The following ROBO2 variants were observed in gnomAD, a reference collection of about 807,000 sequenced individuals.
ROBO2 encodes roundabout guidance receptor 2, also known as roundabout homolog 2.
In ROBO2, 53 loss-of-function variants were observed where a neutral mutation model predicts 160.8. The observed-to-expected ratio is 0.33, with a 90% CI of 0.26 to 0.41. The LOEUF is 0.41. Ranked by LOEUF, ROBO2 falls within the 10% of genes least tolerant of loss-of-function variation. The pLI is 1.00. For missense variants in ROBO2, 1,577 were observed against 1,722.4 expected, an observed-to-expected ratio of 0.92 and a Z score of 1.49; for synonymous variants, 664 against 611.7, an observed-to-expected ratio of 1.09 and a Z score of -1.26.
intron 2 of ROBO2, among the ~76,000 whole-genome samples, chr3:76,801,960 G>C (rs1576708481): frequency 6.6e-6 from 1 of 152,052 alleles, no homozygotes; most frequent in African/African-American, 2.4e-5. Flanking sequence ...AGAGATGAGG[G>C]GATGGCTGGT....
At chr3:77,308,390 G>A (rs772484204) in intron 2 of ROBO2, among the ~76,000 whole-genome samples, 13 of 152,002 alleles carry the variant, frequency 8.6e-5, no homozygotes, top group Non-Finnish European at 1.5e-4. Flanking sequence ...ATCGTCAGGT[G>A]TTCAGGGGAG....
upstream of ROBO2, among the ~76,000 whole-genome samples, chr3:77,038,580 A>G (rs1559879437): frequency 6.6e-6 from 1 of 152,138 alleles, no homozygotes; most frequent in Non-Finnish European, 1.5e-5. Context: ...AGTAGGGGGA[A>G]CTAAAGACTC....
At chr3:76,833,097 T>A (rs75486109) in intron 2 of ROBO2, among the ~76,000 whole-genome samples, 2,647 of 151,988 alleles carry the variant, frequency 0.017, 76 homozygotes, top group African/African-American at 0.061. Context: ...GGTCAAGAAG[T>A]GCAAATATGG....
intron 14 of ROBO2, among the ~76,000 whole-genome samples, chr3:77,576,041 C>T (rs963575372): frequency 6.6e-6 from 1 of 152,074 alleles, no homozygotes; most frequent in African/African-American, 2.4e-5. Flanking sequence ...GAATAATTGA[C>T]CTGTCAGGAA....
chr3:77,212,787 G>C (rs1166408476), intron 2 of ROBO2, among the ~76,000 whole-genome samples: 1 of 152,182 alleles, frequency 6.6e-6, no homozygotes, highest in African/African-American at 2.4e-5. Context: ...AGCATGAAGT[G>C]TTGTTGAATT....
chr3:76,055,946 A>C (rs1234165664), intron 2 of ROBO2, among the ~76,000 whole-genome samples: 2 of 152,032 alleles, frequency 1.3e-5, no homozygotes, highest in Non-Finnish European at 2.9e-5. Context: ...TTTAAGAACA[A>C]ACTTGATTGA....
rs370716915 is a variant in ROBO2, at chr3:76,138,703, A to T, written c.109+201101A>T. 1.1e-3 allele frequency among the ~76,000 whole-genome samples: 172 copies of T among 152,240 alleles called. 2 individuals are homozygous for T. In the South Asian group the frequency reaches 0.035, roughly 31 times the overall value. On this transcript the variant is annotated intron_variant, in intron 2 of 26. Transcript: ENST00000487694. ...TATCTACTACTTGTCCACAGAATCC[A>T]ATTATTTGTAGTATTACAGTGAAAT...
intron 2 of ROBO2, among the ~76,000 whole-genome samples, chr3:76,579,290 A>G (rs2085502759): frequency 6.6e-6 from 1 of 152,168 alleles, no homozygotes; most frequent in Non-Finnish European, 1.5e-5. Context: ...AGTCAATTTC[A>G]TATATCTCCA....
At chr3:77,200,512 C>A (rs892581352) in intron 2 of ROBO2, among the ~76,000 whole-genome samples, 1 of 151,218 alleles carries the variant, frequency 6.6e-6, no homozygotes, top group South Asian at 2.1e-4. Context: ...AAAAGTTTTC[C>A]AAAAACAATA....
At chr3:77,184,142 A>C (rs1029836364) in intron 2 of ROBO2, among the ~76,000 whole-genome samples, 1 of 152,086 alleles carries the variant, frequency 6.6e-6, no homozygotes, top group Non-Finnish European at 1.5e-5. Flanking sequence ...TTACTGCTGG[A>C]CAACATAACC....
chr3:76,448,125 C>G (rs571650097), intron 2 of ROBO2, among the ~76,000 whole-genome samples: 80 of 151,834 alleles, frequency 5.3e-4, no homozygotes, highest in African/African-American at 1.9e-3. Flanking sequence ...AAATATTCTC[C>G]TTTATTTTAT....
intron 2 of ROBO2, among the ~76,000 whole-genome samples, chr3:76,795,960 T>C (rs2108781754): frequency 6.6e-6 from 1 of 152,270 alleles, no homozygotes; most frequent in Middle Eastern, 3.4e-3. Flanking sequence ...AACATTAATT[T>C]TTTTATACAT....
intron 2 of ROBO2, among the ~76,000 whole-genome samples, chr3:76,807,084 T>C (rs1171644584): frequency 6.6e-6 from 1 of 152,094 alleles, no homozygotes. Context: ...TAGACTTATT[T>C]ATTTTAATTA....
At chr3:76,662,332 A>T (rs891497864) in intron 2 of ROBO2, among the ~76,000 whole-genome samples, 1 of 152,118 alleles carries the variant, frequency 6.6e-6, no homozygotes, top group Non-Finnish European at 1.5e-5. Context: ...CTTTAAAAAA[A>T]ATTTTTTTCA....
intron 2 of ROBO2, among the ~76,000 whole-genome samples, chr3:76,184,584 G>C (rs1257812094): frequency 7.2e-6 from 1 of 138,810 alleles, no homozygotes; most frequent in Non-Finnish European, 1.6e-5. Context: ...TAGATAGATA[G>C]ATAGATAGAT....
intron 2 of ROBO2, among the ~76,000 whole-genome samples, chr3:76,571,010 T>C (rs2084920771): frequency 6.6e-6 from 1 of 152,114 alleles, no homozygotes; most frequent in Non-Finnish European, 1.5e-5. Context: ...ATTAAAGAAG[T>C]CTTAAAATAT....
chr3:76,449,932 C>G (rs537438924), intron 2 of ROBO2, among the ~76,000 whole-genome samples: 6 of 152,136 alleles, frequency 3.9e-5, no homozygotes, highest in African/African-American at 1.4e-4. Context: ...GTTTTTGACC[C>G]TGGAATAAAG....
intron 2 of ROBO2, among the ~76,000 whole-genome samples, chr3:76,236,982 T>C (rs1451487652): frequency 6.6e-6 from 1 of 152,166 alleles, no homozygotes; most frequent in African/African-American, 2.4e-5. Flanking sequence ...TCTTAGTTGT[T>C]ACATGGATTG....
chr3:76,716,381 C>A (rs557291593), intron 2 of ROBO2, among the ~76,000 whole-genome samples: 1 of 152,188 alleles, frequency 6.6e-6, no homozygotes, highest in African/African-American at 2.4e-5. Context: ...TCTCACCCAT[C>A]TTTTCCTTAT....
Sources: allele counts gnomAD v4.1 joint callset (sites outside exome capture counted in the v4.1 genomes callset), GRCh38; gene constraint gnomAD v4.1.1; transcripts MANE v1.5; gene names NCBI Gene and HGNC (gene_info 2026-07-23, HGNC 2026-07-21).